The following C12orf42 variants were observed in gnomAD, a reference collection of about 807,000 sequenced individuals.
C12orf42 encodes the protein chromosome 12 open reading frame 42.
C12orf42 carries 25 observed loss-of-function variants against 21.6 expected under a neutral mutation model. The observed-to-expected ratio is 1.16, with a 90% CI of 0.84 to 1.62. The LOEUF (loss-of-function observed/expected upper bound fraction) is 1.62. Ranked by LOEUF, C12orf42 falls within the 40% of genes most tolerant of loss-of-function variation. The pLI, the probability that C12orf42 is intolerant of heterozygous loss-of-function variation, is 0.00. For synonymous variants in C12orf42, 174 were observed against 175.0 expected (o/e 0.99, Z 0.05); for missense variants, 483 against 459.3 (o/e 1.05, Z -0.47).
At chr12:103,379,907 T>C (rs912735284) in intron 3 of C12orf42, among the ~76,000 whole-genome samples, 6 of 152,230 alleles carry the variant, frequency 3.9e-5, no homozygotes, top group Non-Finnish European at 7.3e-5. Flanking sequence ...ACCATGGATT[T>C]AAGCAAGAAA....
rs549653857 is a variant in C12orf42 at position 103,437,306 on chromosome 12, A to G, written c.79-35631T>C. Among the ~76,000 whole-genome samples, 155 of 152,362 alleles carry G rather than the reference A, an allele frequency of 1.0e-3. 1 individual carries two copies. Among genetic ancestry groups the G allele is most frequent in the African/African-American group, 3.7e-3 (153 of 41,574 alleles). ...TAAATGCCACAAGAGAAAGCAGGAA[A>G]GATCCAAAATTGACACCCTAACATC... is the stretch of plus-strand genomic sequence containing the variant. On this transcript the variant is annotated intron_variant, in intron 2 of 5. Transcript: ENST00000548883.
At chr12:103,291,029 TA>T (rs1014621459) in intron 4 of C12orf42, among the ~76,000 whole-genome samples, 2 of 150,768 alleles carry the variant, frequency 1.3e-5, no homozygotes, top group Admixed American at 6.6e-5. Context: ...ATTTATAAAA[TA>T]TTTTTTTAAA....
the C12orf42 span, among the ~76,000 whole-genome samples, chr12:103,507,277 A>T: frequency 1.2e-5 from 1 of 81,034 alleles, no homozygotes; most frequent in Non-Finnish European, 2.1e-5. Context: ...TATATATTAT[A>T]TATATTTTTT....
At position 103,259,460 on chromosome 12, in the gene C12orf42, GT is replaced by G. The variant is rs2034781603; in HGVS notation, c.*1366+3865del. 2.0e-5 allele frequency among the ~76,000 whole-genome samples: 3 copies of G among 152,222 alleles called. No individual in the cohort carries two copies. In the South Asian group the frequency reaches 6.2e-4, roughly 32 times the overall value. On this transcript the variant is annotated intron_variant and NMD_transcript_variant, in intron 10 of 10. Transcript: ENST00000547347. ...TGCTTGGCTAATTTTCGTATTTTTA[GT>G]AGAGACAGGGTTTCACCAAATTTGC... is the stretch of plus-strand genomic sequence containing the variant.
the C12orf42 span, among the ~76,000 whole-genome samples, chr12:103,512,065 A>G: frequency 2.6e-5 from 4 of 152,232 alleles, no homozygotes; most frequent in African/African-American, 9.6e-5. Context: ...TTTCCTAAAT[A>G]GAGTAGGCAT....
the C12orf42 span, among the ~76,000 whole-genome samples, chr12:103,208,487 C>T: frequency 8.6e-5 from 13 of 151,908 alleles, no homozygotes; most frequent in Non-Finnish European, 1.5e-4. Flanking sequence ...ATTTTCAGAT[C>T]GACAATAAAT....
In C12orf42 at chr12:103,471,926, CT is replaced by C. The variant is rs1398872166; in HGVS notation, c.78+6422del. 18 of 152,126 alleles carry C rather than the reference CT, an allele frequency of 1.2e-4. 1 individual carries two copies. Among genetic ancestry groups the C allele is most frequent in the Admixed American group, 1.2e-3 (18 of 15,274 alleles). 9.4% of individuals were successfully genotyped at this position (152,126 alleles called of 1,614,324 possible). On this transcript the variant is annotated intron_variant, in intron 2 of 5. Transcript: ENST00000548883. ...ACAACACAGAGACTTTAAACATTCA[CT>C]TCACTACCTTTTCCCATTTGACTTA... is the stretch of plus-strand genomic sequence containing the variant.
the C12orf42 span, among the ~76,000 whole-genome samples, chr12:103,131,557 G>A: frequency 5.3e-5 from 8 of 152,020 alleles, no homozygotes; most frequent in Non-Finnish European, 1.2e-4. Context: ...ATATCTCTTC[G>A]AACTTCCAAG....
At chr12:103,425,333 C>T (rs1453440721) in intron 2 of C12orf42, among the ~76,000 whole-genome samples, 1 of 152,218 alleles carries the variant, frequency 6.6e-6, no homozygotes, top group South Asian at 2.1e-4. Context: ...TGCTTGAGCT[C>T]TGCTAAGGGA....
chr12:103,383,997 A>G (rs2046390297), intron 3 of C12orf42, among the ~76,000 whole-genome samples: 1 of 152,248 alleles, frequency 6.6e-6, no homozygotes, highest in Admixed American at 6.5e-5. Context: ...AACTGTCTCA[A>G]GCCCAGAGCA....
At chr12:103,417,385 C>T (rs2049450585) in intron 2 of C12orf42, among the ~76,000 whole-genome samples, 1 of 152,156 alleles carries the variant, frequency 6.6e-6, no homozygotes, top group African/African-American at 2.4e-5. Flanking sequence ...ATGTTATTTT[C>T]CCTGCTCGTA....
At chr12:103,545,064 A>C in the C12orf42 span, among the ~76,000 whole-genome samples, 1 of 152,312 alleles carries the variant, frequency 6.6e-6, no homozygotes, top group African/African-American at 2.4e-5. Flanking sequence ...AGTAGCCTCA[A>C]ATGGAAAGTG....
the C12orf42 span, among the ~76,000 whole-genome samples, chr12:103,524,484 T>G: frequency 2.6e-5 from 4 of 152,156 alleles, no homozygotes; most frequent in East Asian, 1.9e-4. Context: ...CCTTCTCCAT[T>G]AGCACCAAGC....
intron 1 of C12orf42, among the ~76,000 whole-genome samples, chr12:103,486,187 T>A (rs895674238): frequency 6.6e-6 from 1 of 152,246 alleles, no homozygotes; most frequent in Non-Finnish European, 1.5e-5. Context: ...CACGAAGCGC[T>A]GTTGAATTTT....
At position 103,302,273 on chromosome 12, in the gene C12orf42, A is replaced by G. The variant is rs2037745790; in HGVS notation, c.918T>C (p.Asn306=). The G allele has an allele frequency of 1.2e-6, 2 of 1,612,580 alleles. No homozygotes were observed. The highest frequency in any genetic ancestry group is 1.7e-6 in the Non-Finnish European group (2 of 1,178,994). ...GCAGAGGAAGGGGCGCTCCTGCCAG[A>G]TTGCCATGGAGGGAGGTGTCCGCCT... The part of the protein sequence containing the change: ...RPQADTSLHG[N]LAGAPLPLLA... The change falls in exon 6 of 6, where the codon AAT becomes AAC. Residue 306 remains asparagine, a synonymous_variant. Coordinates refer to ENST00000548883, the MANE Select transcript of C12orf42 (RefSeq NM_198521.5).
chr12:103,248,626 C>T (rs190834767), intron 10 of C12orf42, among the ~76,000 whole-genome samples: 65 of 151,966 alleles, frequency 4.3e-4, no homozygotes, highest in Non-Finnish European at 8.1e-4. Context: ...GAGAAAATTC[C>T]GAAGAGTAAA....
At chr12:103,158,670 G>A in the C12orf42 span, among the ~76,000 whole-genome samples, 7 of 152,080 alleles carry the variant, frequency 4.6e-5, no homozygotes, top group Admixed American at 1.3e-4. Context: ...CATGAGGTCA[G>A]GAGTTTGAGA....
chr12:103,526,311 A>G, the C12orf42 span, among the ~76,000 whole-genome samples: 1 of 152,242 alleles, frequency 6.6e-6, no homozygotes, highest in African/African-American at 2.4e-5. Context: ...GTCAGAAACC[A>G]GAACTCAATT....
At chr12:103,415,627 T>G (rs2049251191) in intron 2 of C12orf42, among the ~76,000 whole-genome samples, 1 of 152,158 alleles carries the variant, frequency 6.6e-6, no homozygotes, top group Non-Finnish European at 1.5e-5. Flanking sequence ...TCAAGTGCTT[T>G]TGATTTTTAA....
Sources: gnomAD v4.1 joint callset for allele counts (sites outside exome capture counted in the v4.1 genomes callset) on GRCh38, gnomAD v4.1.1 for gene constraint, MANE v1.5 for transcripts, NCBI Gene and HGNC (gene_info 2026-07-23, HGNC 2026-07-21) for gene names.